Variants in MYH7 observed in about 807,000 individuals in gnomAD.
MYH7 encodes myosin-7.
In MYH7, 129 loss-of-function variants were observed where a neutral mutation model predicts 225.4. The ratio of observed to expected loss-of-function variants is 0.57; its 90% CI spans 0.50 to 0.66. MYH7 has a LOEUF of 0.66. Among genes scored for constraint, MYH7 ranks in the 30% least tolerant of loss-of-function variants. The probability of loss-of-function intolerance (pLI) is 0.00; values close to 1 mark genes in which losing one functional copy is unlikely to be tolerated. For missense variants in MYH7, 1,649 were observed against 2,517.0 expected, an observed-to-expected ratio of 0.66 and a Z score of 7.38; for synonymous variants, 971 against 1,007.6, an observed-to-expected ratio of 0.96 and a Z score of 0.69.
rs745765815 is a variant in MYH7, at chr14:23,422,367, C to T, written c.3100-42G>A. 5 of 1,613,816 alleles carry T rather than the reference C, an allele frequency of 3.1e-6. No individual in the cohort carries two copies. In the East Asian group the frequency reaches 1.1e-4, roughly 36 times the overall value. On this transcript the variant is annotated intron_variant, in intron 24 of 39. Coordinates refer to ENST00000355349, the MANE Select transcript of MYH7 (RefSeq NM_000257.4). Reference sequence around the variant, plus strand: ...GCCAGGCCCAGTGAGGCAAAGCATCCTGACTTGGTGATTTTGTTGTTCAGT... The same window carrying T: ...GCCAGGCCCAGTGAGGCAAAGCATCTTGACTTGGTGATTTTGTTGTTCAGT...
intron 37 of MYH7, among the ~76,000 whole-genome samples, chr14:23,414,424 G>A (rs1595071047): frequency 6.6e-6 from 1 of 152,314 alleles, no homozygotes; most frequent in African/African-American, 2.4e-5. Context: ...CTCGGCACAT[G>A]CTGGGAGTGA....
intron 1 of MYH7, among the ~76,000 whole-genome samples, chr14:23,435,182 T>TCA (rs2138689935): frequency 6.6e-6 from 1 of 152,182 alleles, no homozygotes; most frequent in African/African-American, 2.4e-5. Flanking sequence ...ATTCCAGGCC[T>TCA]CACAGAATCA....
At position 23,418,425 on chromosome 14, in the gene MYH7, C is replaced by G. The variant is rs1260349650; in HGVS notation, c.3973-19G>C. On this transcript the variant is annotated intron_variant, in intron 29 of 39. Coordinates refer to ENST00000355349, the MANE Select transcript of MYH7 (RefSeq NM_000257.4). ...TCTTCGCCTGGGGAGGGGTGGGCAC[C>G]AGGAGGTGGGTTCAGCTTTCTCCAT... 1.3e-6 allele frequency: 2 copies of G among 1,595,640 alleles called. No individual in the cohort carries two copies. Among genetic ancestry groups the G allele is most frequent in the African/African-American group, 2.7e-5 (2 of 74,512 alleles).
chr14:23,423,631 C>T lies in MYH7; in HGVS notation c.3015G>A (p.Gln1005=), dbSNP rs1595081316. The change falls in exon 24 of 40, where the codon CAG becomes CAA. Residue 1005 remains glutamine (Q), a synonymous_variant. Transcript: ENST00000355349. ...EKKALQEAHQ[Q]ALDDLQAEED... is the part of the protein sequence containing the mutation. ...CCTCGGCCTGAAGGTCATCCAGAGCCTGTTGGTGGGCCTCTTGCAGAGCTT... is the reference window on the plus strand; with the variant it reads ...CCTCGGCCTGAAGGTCATCCAGAGCTTGTTGGTGGGCCTCTTGCAGAGCTT... 1.9e-6 allele frequency: 3 copies of T among 1,614,136 alleles called. No homozygotes were observed. The highest frequency in any genetic ancestry group is 2.2e-5 in the South Asian group (2 of 91,086).
chr14:23,431,002 G>T lies in MYH7; in HGVS notation c.797-3C>A, dbSNP rs1892912520. ...AACTCTGGATTTTTCCAGAAGATCTGTGAACAGGTGGGGAGAAGAAGGAGA... is the reference window on the plus strand; with the variant it reads ...AACTCTGGATTTTTCCAGAAGATCTTTGAACAGGTGGGGAGAAGAAGGAGA... On this transcript the variant is annotated splice_region_variant and splice_polypyrimidine_tract_variant and intron_variant, in intron 9 of 39. Transcript: ENST00000355349. The T allele has an allele frequency of 6.2e-7, 1 of 1,601,198 alleles. No individual in the cohort carries two copies. The highest frequency in any genetic ancestry group is 1.1e-5 in the South Asian group (1 of 90,818).
In MYH7 at chr14:23,423,551, T is replaced by A. The variant is rs1304301925; in HGVS notation, c.3095A>T (p.Asp1032Val). The A allele has an allele frequency of 6.2e-7, 1 of 1,605,570 alleles. No individual in the cohort carries two copies. The highest frequency in any genetic ancestry group is 1.7e-5 in the Admixed American group (1 of 59,638). The change falls in exon 24 of 40, where the codon GAT becomes GTT. Residue 1032 changes from aspartate to valine, a missense_variant. By Grantham distance (152) the Asp-to-Val change is radical (BLOSUM62 -3). Transcript: ENST00000355349. ...KAKVKLEQQV[D>V]DLEGSLEQEK... is the part of the protein sequence containing the mutation. The stretch of plus-strand genomic sequence containing the variant: ...CACAACTCTCAATCTACTCACATCA[T>A]CCACTTGCTGCTCCAGCTTGACTTT...
rs1566538589 is a variant in MYH7, at chr14:23,433,520, C to T, written c.201+12G>A. ...TGGCCAGGGTGGACTCTCACATCAGCCTGACACCCACCTTGCCATACTCGG... is the reference window on the plus strand; with the variant it reads ...TGGCCAGGGTGGACTCTCACATCAGTCTGACACCCACCTTGCCATACTCGG... On this transcript the variant is annotated intron_variant, in intron 3 of 39. Transcript: ENST00000355349. This position sits in a 1 kb window ranked among gnomAD's most constrained non-coding sequence, Gnocchi z 4.1. 4 of 1,613,484 alleles carry T rather than the reference C, an allele frequency of 2.5e-6. No homozygotes were observed. Among genetic ancestry groups the T allele is most frequent in the Non-Finnish European group, 3.4e-6 (4 of 1,179,936 alleles).
At position 23,433,390 on chromosome 14, in the gene MYH7, G is replaced by A. The variant is rs1447102300; in HGVS notation, c.201+142C>T. On this transcript the variant is annotated intron_variant, in intron 3 of 39. Transcript: ENST00000355349. The surrounding 1 kb of genome is among the most constrained non-coding windows in gnomAD (Gnocchi z 4.1). ...ATATTGGGAAGGAGAGGGCTCTTTGGAGGGTCTGGATTCTTCCCCAAAGGG... is the reference window on the plus strand; with the variant it reads ...ATATTGGGAAGGAGAGGGCTCTTTGAAGGGTCTGGATTCTTCCCCAAAGGG... 1.4e-6 allele frequency: 2 copies of A among 1,429,174 alleles called. No individual in the cohort carries two copies. The highest frequency in any genetic ancestry group is 1.2e-5 in the South Asian group (1 of 85,202). 88.5% of individuals were successfully genotyped at this position (1,429,174 alleles called of 1,614,324 possible).
rs565048256 is a variant in MYH7 at position 23,419,803 on chromosome 14, G to C, written c.3726+42C>G. Reference sequence around the variant, plus strand: ...CACTACATGGACAGAAAGGGGAGGTGGGAGGAGGAAGTTGGAGGAGGGGAG... The same window carrying C: ...CACTACATGGACAGAAAGGGGAGGTCGGAGGAGGAAGTTGGAGGAGGGGAG... On this transcript the variant is annotated intron_variant, in intron 27 of 39. Coordinates refer to ENST00000355349, the MANE Select transcript of MYH7 (RefSeq NM_000257.4). The C allele has an allele frequency of 2.4e-5, 39 of 1,614,026 alleles. No individual in the cohort carries two copies. The South Asian group carries it at 4.3e-4, about 18-fold the overall frequency.
intron 16 of MYH7, 26 bp from the exon 17 acceptor site, chr14:23,427,333 A>G (rs776422874): frequency 1.9e-6 from 3 of 1,613,474 alleles, no homozygotes; most frequent in Non-Finnish European, 2.5e-6. Context: ...TCAACAAAAG[A>G]AGCATCAGTG....
chr14:23,422,263 C>T lies in MYH7; in HGVS notation c.3162G>A (p.Lys1054=), dbSNP rs1295046089. 2 of 1,614,142 alleles carry T rather than the reference C, an allele frequency of 1.2e-6. No individual in the cohort carries two copies. Among genetic ancestry groups the T allele is most frequent in the South Asian group, 2.2e-5 (2 of 91,088 alleles). Residue 1054 remains lysine, a synonymous_variant, in exon 25 of 40, where the codon AAG becomes AAA. Coordinates refer to ENST00000355349, the MANE Select transcript of MYH7 (RefSeq NM_000257.4). ...VRMDLERAKR[K]LEGDLKLTQE... is the part of the protein sequence containing the mutation. ...GGGTCAGCTTCAGGTCGCCCTCCAG[C>T]TTCCGCTTCGCTCGCTCCAGGTCCA... is the stretch of plus-strand genomic sequence containing the variant.
chr14:23,432,837 G>A, intron 4 of MYH7, 42 bp from the exon 5 acceptor site: 1 of 1,612,934 alleles, frequency 6.2e-7, no homozygotes, highest in Non-Finnish European at 8.5e-7. Context: ...GTTGCGAAGG[G>A]GGAGGGCTGG....
chr14:23,431,919 G>A (rs772058983), intron 6 of MYH7, 50 bp from the exon 7 acceptor site: 51 of 1,577,074 alleles, frequency 3.2e-5, no homozygotes, highest in Non-Finnish European at 3.9e-5. Flanking sequence ...CTGGAGACCA[G>A]CAAGCCTCAA....
At chr14:23,418,085 A>C (rs757566575) in intron 30 of MYH7, 125 bp downstream of exon 30, 3 of 1,384,638 alleles carry the variant, frequency 2.2e-6, no homozygotes, top group Non-Finnish European at 3.1e-6. Context: ...GGGCCGGGGC[A>C]GAGTCCTCCT....
chr14:23,426,749 G>A (rs1485410060), intron 18 of MYH7, 28 bp downstream of exon 18: 2 of 1,601,010 alleles, frequency 1.2e-6, no homozygotes, highest in East Asian at 4.5e-5. Flanking sequence ...ATGCCCAGCA[G>A]TGGGTTGGCC....
chr14:23,426,737 G>A lies in MYH7; in HGVS notation c.2044+40C>T, dbSNP rs756894575. On this transcript the variant is annotated intron_variant, in intron 18 of 39. Transcript: ENST00000355349. ...TAGGAGGTCCTGTTCCCAGGGCGGT[G>A]TATGCCCAGCAGTGGGTTGGCCTGA... is the stretch of plus-strand genomic sequence containing the variant. 2.5e-6 allele frequency: 4 copies of A among 1,572,292 alleles called. No individual in the cohort carries two copies. In the Admixed American group the frequency reaches 5.0e-5, roughly 20 times the overall value.
chr14:23,426,149 G>T, intron 18 of MYH7, 68 bp from the exon 19 acceptor site: 1 of 1,547,030 alleles, frequency 6.5e-7, no homozygotes, highest in South Asian at 1.1e-5. Flanking sequence ...TCTGATCCTG[G>T]CTTTGTCACT....
chr14:23,422,358 C>T (rs1233508588), intron 24 of MYH7, 33 bp from the exon 25 acceptor site: 1 of 1,614,008 alleles, frequency 6.2e-7, no homozygotes. Flanking sequence ...CCCAGTGAGG[C>T]AAAGCATCCT....
rs762065412 is a variant in MYH7, at chr14:23,430,635, G to A, written c.924C>T (p.Tyr308=). The A allele has an allele frequency of 1.4e-5, 23 of 1,613,962 alleles. No homozygotes were observed. The highest frequency in any genetic ancestry group is 6.7e-5 in the African/African-American group (5 of 74,878). Residue 308 remains tyrosine, a synonymous_variant, in exon 11 of 40, where the codon TAC becomes TAT. Transcript: ENST00000355349. ...CTCCTTGGGAGATGAATGCATAATC[G>A]TAGGGGTTGTTGGTGATCAGCAGCA... ...LDMLLITNNP[Y]DYAFISQGET...
Sources: allele counts gnomAD v4.1 joint callset (sites outside exome capture counted in the v4.1 genomes callset), GRCh38; gene constraint gnomAD v4.1.1; non-coding constraint Gnocchi (gnomAD v3.1); transcripts MANE v1.5; gene names NCBI Gene and HGNC (gene_info 2026-07-23, HGNC 2026-07-21).